The following FAM171A1 variants were observed in gnomAD, a reference collection of about 807,000 sequenced individuals.
FAM171A1 encodes the protein family with sequence similarity 171 member A1.
Under a neutral mutation model 74.9 loss-of-function variants are expected in FAM171A1, and 23 were observed. The observed-to-expected ratio is 0.31, with a 90% confidence interval of 0.22 to 0.44. FAM171A1 has a LOEUF of 0.44. Among genes scored for constraint, FAM171A1 ranks in the 20% least tolerant of loss-of-function variants. FAM171A1 has a pLI of 1.00. For missense variants in FAM171A1, 1,162 were observed against 1,159.2 expected, an observed-to-expected ratio of 1.00 and a Z score of -0.03; for synonymous variants, 527 against 505.7, an observed-to-expected ratio of 1.04 and a Z score of -0.57.
intron 1 of FAM171A1, among the ~76,000 whole-genome samples, chr10:15,366,714 G>A (rs1451337352): frequency 1.3e-5 from 2 of 152,068 alleles, no homozygotes; most frequent in Non-Finnish European, 2.9e-5. Flanking sequence ...TTTTCTTCAT[G>A]ATACAGCATT....
At chr10:15,326,636 T>C (rs1370578669) in intron 1 of FAM171A1, among the ~76,000 whole-genome samples, 1 of 151,746 alleles carries the variant, frequency 6.6e-6, no homozygotes, top group South Asian at 2.1e-4. Context: ...ATTCTTGTTG[T>C]TTGTTTTTTA....
intron 1 of FAM171A1, among the ~76,000 whole-genome samples, chr10:15,364,976 T>C (rs1400558796): frequency 1.3e-5 from 2 of 152,144 alleles, no homozygotes; most frequent in Non-Finnish European, 2.9e-5. Flanking sequence ...CAGAATCACT[T>C]GGCCACAGTC....
chr10:15,294,712 G>T (rs962725830), intron 1 of FAM171A1, among the ~76,000 whole-genome samples: 2 of 152,196 alleles, frequency 1.3e-5, no homozygotes, highest in African/African-American at 4.8e-5. Flanking sequence ...AACTGCCACA[G>T]ATTTAGAACT....
At chr10:15,275,777 A>C in intron 3 of FAM171A1, 78 bp downstream of exon 3, 1 of 944,270 alleles carries the variant, frequency 1.1e-6, no homozygotes, top group Non-Finnish European at 1.6e-6. Context: ...ACATCACATC[A>C]CATTGTACAC....
chr10:15,312,569 T>C (rs1340453112), intron 1 of FAM171A1, among the ~76,000 whole-genome samples: 3 of 151,222 alleles, frequency 2.0e-5, no homozygotes, highest in Non-Finnish European at 4.4e-5. Context: ...GCTCAGATTG[T>C]GGCTCACAGA....
intron 1 of FAM171A1, among the ~76,000 whole-genome samples, chr10:15,298,841 G>A (rs1266305245): frequency 1.3e-5 from 2 of 152,118 alleles, no homozygotes; most frequent in African/African-American, 4.8e-5. Flanking sequence ...CAACACTGTG[G>A]TGACCAGAGG....
intron 6 of FAM171A1, among the ~76,000 whole-genome samples, chr10:15,218,544 T>C (rs1170832928): frequency 6.6e-6 from 1 of 152,190 alleles, no homozygotes; most frequent in Non-Finnish European, 1.5e-5. Flanking sequence ...GGTTGTGAGA[T>C]GACTGACATA....
At chr10:15,285,389 A>T (rs1835023570) in intron 1 of FAM171A1, among the ~76,000 whole-genome samples, 1 of 152,300 alleles carries the variant, frequency 6.6e-6, no homozygotes. Flanking sequence ...AGGTTTTAAG[A>T]GGGGAGTGGA....
chr10:15,231,310 C>T (rs1205379430), intron 5 of FAM171A1, among the ~76,000 whole-genome samples: 1 of 152,012 alleles, frequency 6.6e-6, no homozygotes, highest in African/African-American at 2.4e-5. Context: ...CTCAAGTGAT[C>T]TTCCCACCTC....
At chr10:15,285,059 G>T (rs770087898) in intron 1 of FAM171A1, among the ~76,000 whole-genome samples, 2 of 152,128 alleles carry the variant, frequency 1.3e-5, no homozygotes, top group Non-Finnish European at 2.9e-5. Context: ...AAATAGAATG[G>T]CTAATTTACA....
At chr10:15,341,251 A>G (rs1010598847) in intron 1 of FAM171A1, among the ~76,000 whole-genome samples, 3 of 152,216 alleles carry the variant, frequency 2.0e-5, no homozygotes, top group African/African-American at 7.2e-5. Flanking sequence ...CATTTTTAGT[A>G]ACAAAACACC....
chr10:15,329,308 T>C lies in FAM171A1; in HGVS notation c.97+41648A>G, dbSNP rs1260195504. On this transcript the variant is annotated intron_variant, in intron 1 of 7. Transcript: ENST00000378116. ...AACCACTGTTGGCCTAGTCACCAAT[T>C]TCCACTTGTGGTTCTATCGGCTCCA... Among the ~76,000 whole-genome samples the C allele has an allele frequency of 2.0e-5, 3 of 152,198 alleles. No individual in the cohort carries two copies. The East Asian group carries it at 5.8e-4, about 29-fold the overall frequency.
At chr10:15,267,932 C>A (rs941473433) in intron 3 of FAM171A1, among the ~76,000 whole-genome samples, 92 of 152,302 alleles carry the variant, frequency 6.0e-4, no homozygotes, top group Non-Finnish European at 1.0e-3. Flanking sequence ...CACACATTGC[C>A]TCCTTCAGCA....
intron 1 of FAM171A1, among the ~76,000 whole-genome samples, chr10:15,326,294 G>A (rs1835554208): frequency 1.3e-5 from 2 of 151,898 alleles, no homozygotes; most frequent in Admixed American, 1.3e-4. Flanking sequence ...GTGAGAGGAA[G>A]AGTTTCCCAC....
At chr10:15,263,744 T>TGTCC (rs1834695090) in intron 3 of FAM171A1, among the ~76,000 whole-genome samples, 1 of 112,804 alleles carries the variant, frequency 8.9e-6, no homozygotes, top group Non-Finnish European at 1.9e-5. Flanking sequence ...TCTGTCTGTC[T>TGTCC]ATCTATCTAT....
At chr10:15,238,589 C>T (rs1273654954) in intron 5 of FAM171A1, among the ~76,000 whole-genome samples, 1 of 145,164 alleles carries the variant, frequency 6.9e-6, no homozygotes, top group Admixed American at 6.9e-5. Context: ...TTAAATGAGT[C>T]TCCACCTTCA....
chr10:15,299,960 T>TCAAACAAA (rs3033566), intron 1 of FAM171A1, among the ~76,000 whole-genome samples: 3,287 of 148,694 alleles, frequency 0.022, 108 homozygotes, highest in East Asian at 0.092. Flanking sequence ...AGACTCCATC[T>TCAAACAAA]CAAACAAACA....
At chr10:15,373,585 T>C (rs1836173492), upstream of FAM171A1, among the ~76,000 whole-genome samples, 2 of 152,234 alleles carry the variant, frequency 1.3e-5, no homozygotes, top group Admixed American at 1.3e-4. Context: ...AATACTATGG[T>C]GCCAATGTTC....
intron 3 of FAM171A1, among the ~76,000 whole-genome samples, chr10:15,255,951 A>G (rs1476933056): frequency 2.6e-5 from 4 of 152,098 alleles, no homozygotes; most frequent in African/African-American, 9.7e-5. Context: ...CCTGGCCCAG[A>G]TGTTGTTTTG....
Sources: allele counts gnomAD v4.1 joint callset (sites outside exome capture counted in the v4.1 genomes callset), GRCh38; gene constraint gnomAD v4.1.1; transcripts MANE v1.5; gene names NCBI Gene and HGNC (gene_info 2026-07-23, HGNC 2026-07-21).